Variants in ACACA observed in about 807,000 individuals in gnomAD.
ACACA encodes the protein acetyl-CoA carboxylase alpha, also known as acetyl-CoA carboxylase 1.
Under a neutral mutation model 296.1 loss-of-function variants are expected in ACACA, and 103 were observed. The observed-to-expected ratio is 0.35, with a 90% CI of 0.30 to 0.41. ACACA has a LOEUF of 0.41. Ranked by LOEUF, ACACA falls within the 10% of genes least tolerant of loss-of-function variation. The pLI is 1.00. For synonymous variants in ACACA, 953 were observed against 1,038.6 expected (o/e 0.92, Z 1.58); for missense variants, 1,554 against 2,989.7 (o/e 0.52, Z 11.20).
chr17:37,376,776 G>A (rs1395384883), intron 1 of ACACA, among the ~76,000 whole-genome samples: 2 of 152,032 alleles, frequency 1.3e-5, no homozygotes, highest in African/African-American at 2.4e-5. Context: ...CCAACATGGC[G>A]AAACCCCATC....
In ACACA at chr17:37,188,257, A is replaced by G; in HGVS notation, c.4776+20T>C. ...GTAGGACCAAATCAAAACTCTGAGG[A>G]GCCTGTTTGAGTATTGTACCTGTGC... On this transcript the variant is annotated intron_variant, in intron 39 of 55. Coordinates refer to ENST00000616317, the MANE Select transcript of ACACA (RefSeq NM_198834.3). 2 of 1,610,982 alleles carry G rather than the reference A, an allele frequency of 1.2e-6. No homozygotes were observed. Among genetic ancestry groups the G allele is most frequent in the Non-Finnish European group, 1.7e-6 (2 of 1,177,680 alleles).
intron 45 of ACACA, among the ~76,000 whole-genome samples, chr17:37,132,016 C>T (rs1242504774): frequency 1.3e-5 from 2 of 152,188 alleles, no homozygotes; most frequent in Non-Finnish European, 2.9e-5. Context: ...CATTCTCCTG[C>T]TGTCTCTTTC....
intron 3 of ACACA, among the ~76,000 whole-genome samples, chr17:37,321,880 G>A (rs1295444874): frequency 6.7e-6 from 1 of 149,986 alleles, no homozygotes; most frequent in Non-Finnish European, 1.5e-5. Context: ...GGAGGCGGAG[G>A]TTGCAGTAAG....
chr17:37,088,797 G>T (rs2072402999), intron 55 of ACACA, 141 bp downstream of exon 55: 1 of 1,143,534 alleles, frequency 8.7e-7, no homozygotes, highest in Non-Finnish European at 1.3e-6. Context: ...TGTACCTGTG[G>T]GTCAACTACA....
At chr17:37,315,899 C>T (rs1229091249) in intron 3 of ACACA, among the ~76,000 whole-genome samples, 1 of 152,164 alleles carries the variant, frequency 6.6e-6, no homozygotes, top group African/African-American at 2.4e-5. Flanking sequence ...TTTTCAGCCC[C>T]TTGCCCCTCC....
intron 1 of ACACA, among the ~76,000 whole-genome samples, chr17:37,395,873 C>T (rs2051064333): frequency 6.6e-6 from 1 of 152,128 alleles, no homozygotes; most frequent in South Asian, 2.1e-4. Context: ...TTGATGTCAC[C>T]CCAATACTTT....
intron 10 of ACACA, among the ~76,000 whole-genome samples, chr17:37,265,030 T>C (rs1263437928): frequency 1.3e-5 from 2 of 152,204 alleles, no homozygotes; most frequent in Admixed American, 6.5e-5. Flanking sequence ...TCATCTCCAA[T>C]GCAGGTGGCT....
Position 37,176,896 on chromosome 17 carries a change from T to A in ACACA, c.5079+2364A>T, listed in dbSNP as rs149221856. 2.9e-3 allele frequency among the ~76,000 whole-genome samples: 447 copies of A among 152,220 alleles called. 1 individual carries two copies. The highest frequency in any genetic ancestry group is 4.4e-3 in the Admixed American group (68 of 15,294). ...ATCCTGGGCATTAGTCACTAACTGC[T>A]CACAAAAGAACATCAGTCTAACTCC... On this transcript the variant is annotated intron_variant, in intron 41 of 55. Coordinates refer to ENST00000616317, the MANE Select transcript of ACACA (RefSeq NM_198834.3).
At chr17:37,094,090 A>C (rs186913181) in intron 54 of ACACA, among the ~76,000 whole-genome samples, 1 of 152,340 alleles carries the variant, frequency 6.6e-6, no homozygotes, top group East Asian at 1.9e-4. Context: ...CATGCCCAGG[A>C]TACAAATGTG....
intron 41 of ACACA, among the ~76,000 whole-genome samples, chr17:37,174,828 GC>G (rs1465632643): frequency 1.3e-5 from 2 of 152,090 alleles, no homozygotes; most frequent in Admixed American, 6.5e-5. Flanking sequence ...ACCACGCCTG[GC>G]CCCAGTTGCA....
In ACACA at chr17:37,122,586, C is replaced by G; in HGVS notation, c.6083G>C (p.Arg2028Pro). The change falls in exon 49 of 56, where the codon CGA (arginine) becomes CCA (proline). Residue 2028 changes from arginine to proline, a missense_variant. This residue lies in a region of ACACA where 553 missense variants were observed against 1,043.6 expected (regional missense o/e 0.53). Coordinates refer to ENST00000616317, the MANE Select transcript of ACACA (RefSeq NM_198834.3). ...AGCTGGGATACTTAGTTCTACTGTT[C>G]GGGTTTCTACAGCAACAACTCCCAC... ...IPVGVVAVET[R>P]TVELSIPADP... The G allele has an allele frequency of 6.2e-7, 1 of 1,614,146 alleles. No homozygotes were observed. Among genetic ancestry groups the G allele is most frequent in the Non-Finnish European group, 8.5e-7 (1 of 1,180,028 alleles).
chr17:37,268,741 C>CTATATATATATATATATATATA (rs71368449), intron 10 of ACACA, among the ~76,000 whole-genome samples: 3 of 94,506 alleles, frequency 3.2e-5, no homozygotes, highest in African/African-American at 1.2e-4. Flanking sequence ...ATCTATCTAT[C>CTATATATATATATATATATATA]TATATATATA....
intron 1 of ACACA, among the ~76,000 whole-genome samples, chr17:37,404,656 C>T (rs1222790923): frequency 6.7e-6 from 1 of 149,000 alleles, no homozygotes; most frequent in Non-Finnish European, 1.5e-5. Context: ...CTCACTGCAA[C>T]CTCCACCTCC....
intron 45 of ACACA, among the ~76,000 whole-genome samples, chr17:37,142,315 T>C (rs1399579206): frequency 3.3e-5 from 5 of 152,168 alleles, no homozygotes; most frequent in Non-Finnish European, 7.3e-5. Flanking sequence ...TGTTGGCAGG[T>C]CACTAAGGCA....
chr17:37,247,285 T>G (rs2080756795), intron 18 of ACACA, among the ~76,000 whole-genome samples: 1 of 152,218 alleles, frequency 6.6e-6, no homozygotes. Context: ...GAAGCCTAGC[T>G]ATGTTGTGGC....
intron 5 of ACACA, among the ~76,000 whole-genome samples, chr17:37,282,644 A>C: frequency 6.6e-6 from 1 of 152,188 alleles, no homozygotes; most frequent in Middle Eastern, 3.2e-3. Context: ...AAAAGTAAAA[A>C]AACATAGCTC....
chr17:37,132,299 G>A (rs1017822004), intron 45 of ACACA, among the ~76,000 whole-genome samples: 1 of 152,074 alleles, frequency 6.6e-6, no homozygotes, highest in African/African-American at 2.4e-5. Flanking sequence ...ACTCACACAT[G>A]CATCAGGAAA....
chr17:37,203,824 T>C (rs185383659), intron 33 of ACACA, among the ~76,000 whole-genome samples: 24 of 152,340 alleles, frequency 1.6e-4, no homozygotes, highest in Non-Finnish European at 2.4e-4. Flanking sequence ...AGGTTAATTT[T>C]ATGTGGTCAC....
chr17:37,139,998 T>A (rs1419589378), intron 45 of ACACA, among the ~76,000 whole-genome samples: 2 of 152,238 alleles, frequency 1.3e-5, no homozygotes, highest in Non-Finnish European at 2.9e-5. Context: ...GAGTGATCAG[T>A]CTCTGTACAG....
Sources: allele counts gnomAD v4.1 joint callset (sites outside exome capture counted in the v4.1 genomes callset), GRCh38; gene constraint gnomAD v4.1.1; regional missense constraint gnomAD v4.1.1; transcripts MANE v1.5; gene names NCBI Gene and HGNC (gene_info 2026-07-23, HGNC 2026-07-21).